KREMEN2: variants seen among roughly 807,000 people sequenced by gnomAD.
KREMEN2 encodes kringle containing transmembrane protein 2.
KREMEN2 carries 43 observed loss-of-function variants against 49.8 expected under a neutral mutation model. The observed-to-expected ratio is 0.86, with a 90% CI of 0.68 to 1.11. The LOEUF (loss-of-function observed/expected upper bound fraction) is 1.11. Among genes scored for constraint, KREMEN2 ranks in the 50% most tolerant of loss-of-function variants. The pLI is 0.00. For synonymous variants in KREMEN2, 355 were observed against 304.9 expected, an observed-to-expected ratio of 1.16 and a Z score of -1.71; for missense variants, 686 against 665.7, an observed-to-expected ratio of 1.03 and a Z score of -0.34.
Position 2,967,945 on chromosome 16 carries a change from G to A in KREMEN2, c.1314G>A (p.Glu438=), listed in dbSNP as rs778668696. Residue 438 remains glutamate, a synonymous_variant, in exon 9 of 9, where the codon GAG becomes GAA. Coordinates refer to ENST00000303746, the MANE Select transcript of KREMEN2 (RefSeq NM_172229.3). ...LPCSPGDPQA[E]GSAAGYRPLS... Reference sequence around the variant, plus strand: ...GCTCCCCCGGGGACCCCCAGGCTGAGGGTTCTGCCGCGGGCTACCGGCCTC... The same window carrying A: ...GCTCCCCCGGGGACCCCCAGGCTGAAGGTTCTGCCGCGGGCTACCGGCCTC... 7 of 1,585,670 alleles carry A rather than the reference G, an allele frequency of 4.4e-6. No homozygotes were observed. In the South Asian group the frequency reaches 5.7e-5, roughly 13 times the overall value.
chr16:2,966,614 C>A lies in KREMEN2; in HGVS notation c.487-28C>A, dbSNP rs1468012784. The A allele has an allele frequency of 1.2e-6, 2 of 1,603,836 alleles. No homozygotes were observed. The highest frequency in any genetic ancestry group is 4.5e-5 in the East Asian group (2 of 44,738). ...ACTTCACCCCTACCCCAGCCCCTGC[C>A]CTGGGGTCACCCAGTCTGTGCTCCC... is the stretch of plus-strand genomic sequence containing the variant. On this transcript the variant is annotated intron_variant, in intron 4 of 8. Transcript: ENST00000303746. This position sits in a 1 kb window ranked among gnomAD's most constrained non-coding sequence, Gnocchi z 8.4.
At position 2,967,214 on chromosome 16, in the gene KREMEN2, C is replaced by T; in HGVS notation, c.945C>T (p.His315=). 2.2e-6 allele frequency: 3 copies of T among 1,353,800 alleles called. No individual in the cohort carries two copies. Among genetic ancestry groups the T allele is most frequent in the Non-Finnish European group, 2.8e-6 (3 of 1,062,228 alleles). The allele number at this position is 1,353,800 out of a possible 1,614,324, so 83.9% of individuals were successfully genotyped here. ...CCTTCCGAAGCGACGCGCGCGGCCA[C>T]GCGCAAGGCTTCGCGCTCACCTACC... is the stretch of plus-strand genomic sequence containing the variant. ...LLTFRSDARG[H]AQGFALTYRG... The change falls in exon 6 of 9, where the codon CAC becomes CAT. Residue 315 remains histidine, a synonymous_variant. Transcript: ENST00000303746.
At position 2,966,584 on chromosome 16, in the gene KREMEN2, C is replaced by G; in HGVS notation, c.487-58C>G. ...CGATTCCCACCCCGACCCCAGGCCCCCACCACTTCACCCCTACCCCAGCCC... is the reference window on the plus strand; with the variant it reads ...CGATTCCCACCCCGACCCCAGGCCCGCACCACTTCACCCCTACCCCAGCCC... On this transcript the variant is annotated intron_variant, in intron 4 of 8. Coordinates refer to ENST00000303746, the MANE Select transcript of KREMEN2 (RefSeq NM_172229.3). This position sits in a 1 kb window ranked among gnomAD's most constrained non-coding sequence, Gnocchi z 8.4. 6.4e-7 allele frequency: 1 copy of G among 1,571,024 alleles called. No individual in the cohort carries two copies. Among genetic ancestry groups the G allele is most frequent in the Non-Finnish European group, 8.6e-7 (1 of 1,162,670 alleles).
chr16:2,966,842 G>A lies in KREMEN2; in HGVS notation c.640+47G>A, dbSNP rs533367617. Reference sequence around the variant, plus strand: ...GGGGCCTGGGCGGGCCTCGAGGTGGGGCCTGGCCGGGCAGGGGAGCCGCCG... The same window carrying A: ...GGGGCCTGGGCGGGCCTCGAGGTGGAGCCTGGCCGGGCAGGGGAGCCGCCG... On this transcript the variant is annotated intron_variant, in intron 5 of 8. Transcript: ENST00000303746. This position sits in a 1 kb window ranked among gnomAD's most constrained non-coding sequence, Gnocchi z 8.4. 9.1e-5 allele frequency: 144 copies of A among 1,587,250 alleles called. 1 individual carries two copies. In the African/African-American group the frequency reaches 1.8e-3, roughly 20 times the overall value.
chr16:2,965,083 G>A, intron 2 of KREMEN2, 50 bp downstream of exon 2: 5 of 1,406,262 alleles, frequency 3.6e-6, no homozygotes, highest in Non-Finnish European at 4.6e-6. Flanking sequence ...ACCATTGCAG[G>A]GATGGCCCGA....
intron 2 of KREMEN2, 64 bp downstream of exon 2, chr16:2,965,097 G>T: frequency 7.4e-7 from 1 of 1,346,480 alleles, no homozygotes; most frequent in South Asian, 1.6e-5. Context: ...GGCCCGAAGC[G>T]GGGCCTCCGT....
At position 2,966,699 on chromosome 16, in the gene KREMEN2, C is replaced by G. The variant is rs377224946; in HGVS notation, c.544C>G (p.Arg182Gly). The G allele has an allele frequency of 3.1e-6, 5 of 1,611,494 alleles. No individual in the cohort carries two copies. The highest frequency in any genetic ancestry group is 3.4e-6 in the Non-Finnish European group (4 of 1,179,888). The change falls in exon 5 of 9, where the codon CGG (arginine) becomes GGG (glycine). Residue 182 changes from arginine to glycine, a missense_variant. Arg to Gly is a moderately radical substitution (Grantham distance 125). Coordinates refer to ENST00000303746, the MANE Select transcript of KREMEN2 (RefSeq NM_172229.3). The surrounding 1 kb of genome is among the most constrained non-coding windows in gnomAD (Gnocchi z 8.4). ...CFCGSESDLA[R>G]GRLAPATDCD... ...CTGTGGCTCTGAAAGCGACCTGGCC[C>G]GGGGACGCCTGGCCCCCGCCACCGA...
Position 2,966,312 on chromosome 16 carries a change from T to A in KREMEN2, c.362-13T>A, listed in dbSNP as rs1392591742. 1 of 1,612,678 alleles carries A rather than the reference T, an allele frequency of 6.2e-7. No homozygotes were observed. Among genetic ancestry groups the A allele is most frequent in the African/African-American group, 1.3e-5 (1 of 75,006 alleles). ...GTTTTCGGAGTCACGGAAGTCTGAC[T>A]CTGCCCCCTCAGTGCCAGGCTACCT... On this transcript the variant is annotated splice_polypyrimidine_tract_variant and intron_variant, in intron 3 of 8. Transcript: ENST00000303746. The surrounding 1 kb of genome is among the most constrained non-coding windows in gnomAD (Gnocchi z 8.4).
At position 2,966,706 on chromosome 16, in the gene KREMEN2, G is replaced by A. The variant is rs1466431447; in HGVS notation, c.551G>A (p.Arg184His). 4 of 1,611,432 alleles carry A rather than the reference G, an allele frequency of 2.5e-6. No homozygotes were observed. The highest frequency in any genetic ancestry group is 1.1e-5 in the South Asian group (1 of 91,068). Residue 184 changes from arginine to histidine, a missense_variant, in exon 5 of 9, where the codon CGC (arginine) becomes CAC (histidine). Transcript: ENST00000303746. This position sits in a 1 kb window ranked among gnomAD's most constrained non-coding sequence, Gnocchi z 8.4. ...TCTGAAAGCGACCTGGCCCGGGGACGCCTGGCCCCCGCCACCGACTGTGAC... is the reference window on the plus strand; with the variant it reads ...TCTGAAAGCGACCTGGCCCGGGGACACCTGGCCCCCGCCACCGACTGTGAC... ...CGSESDLARG[R>H]LAPATDCDQI...
At position 2,966,046 on chromosome 16, in the gene KREMEN2, C is replaced by T. The variant is rs1351339059; in HGVS notation, c.270-94C>T. On this transcript the variant is annotated intron_variant, in intron 2 of 8. Transcript: ENST00000303746. The surrounding 1 kb of genome is among the most constrained non-coding windows in gnomAD (Gnocchi z 8.4). ...GCACAGCCGCTCACAGGCACAGAGC[C>T]TTGAAGGCCACTTTGAGCATAGGCT... is the stretch of plus-strand genomic sequence containing the variant. 1.8e-6 allele frequency: 2 copies of T among 1,137,736 alleles called. No homozygotes were observed. The highest frequency in any genetic ancestry group is 1.5e-5 in the African/African-American group (1 of 65,438). The allele number at this position is 1,137,736 out of a possible 1,614,324, so 70.5% of individuals were successfully genotyped here.
At position 2,967,580 on chromosome 16, in the gene KREMEN2, G is replaced by T; in HGVS notation, c.1154G>T (p.Gly385Val). ...TCGGTGCTGCTGCTGCTGCTCCTGG[G>T]GCTGCTGCGTCCGCTGCGCCGACGG... Reference protein sequence around the residue: ...AVSVLLLLLLGLLRPLRRRSC... With the variant: ...AVSVLLLLLLVLLRPLRRRSC... Residue 385 changes from glycine to valine, a missense_variant, in exon 8 of 9, where the codon GGG becomes GTG. Transcript: ENST00000303746. 8 of 1,529,198 alleles carry T rather than the reference G, an allele frequency of 5.2e-6. No homozygotes were observed. Among genetic ancestry groups the T allele is most frequent in the Non-Finnish European group, 6.1e-6 (7 of 1,143,982 alleles). 94.7% of individuals were successfully genotyped at this position (1,529,198 alleles called of 1,614,324 possible).
chr16:2,967,021 C>G lies in KREMEN2; in HGVS notation c.752C>G (p.Pro251Arg), dbSNP rs1007763913. The part of the protein sequence containing the change: ...PDRNCSWALG[P>R]PGAALELTFR... ...CGGAACTGCAGCTGGGCCCTGGGCCCGCCAGGCGCCGCGCTGGAGCTCACC... is the reference window on the plus strand; with the variant it reads ...CGGAACTGCAGCTGGGCCCTGGGCCGGCCAGGCGCCGCGCTGGAGCTCACC... The change falls in exon 6 of 9, where the codon CCG becomes CGG. Residue 251 changes from proline (P) to arginine (R), a missense_variant. Pro to Arg is a moderately radical substitution (Grantham distance 103). Coordinates refer to ENST00000303746, the MANE Select transcript of KREMEN2 (RefSeq NM_172229.3). The G allele has an allele frequency of 5.2e-6, 8 of 1,545,134 alleles. No individual in the cohort carries two copies. Among genetic ancestry groups the G allele is most frequent in the Non-Finnish European group, 6.1e-6 (7 of 1,145,780 alleles).
At position 2,966,557 on chromosome 16, in the gene KREMEN2, C is replaced by G; in HGVS notation, c.487-85C>G. 1 of 1,563,990 alleles carries G rather than the reference C, an allele frequency of 6.4e-7. No individual in the cohort carries two copies. On this transcript the variant is annotated intron_variant, in intron 4 of 8. Transcript: ENST00000303746. The surrounding 1 kb of genome is among the most constrained non-coding windows in gnomAD (Gnocchi z 8.4). ...CAGACACCGGTTTCTGAACCTCCAG[C>G]CCGATTCCCACCCCGACCCCAGGCC... is the stretch of plus-strand genomic sequence containing the variant.
In KREMEN2 at chr16:2,966,137, C is replaced by T; in HGVS notation, c.270-3C>T. 1.9e-6 allele frequency: 3 copies of T among 1,611,608 alleles called. No individual in the cohort carries two copies. Among genetic ancestry groups the T allele is most frequent in the Non-Finnish European group, 2.5e-6 (3 of 1,179,828 alleles). On this transcript the variant is annotated splice_polypyrimidine_tract_variant and splice_region_variant and intron_variant, in intron 2 of 8. Transcript: ENST00000303746. The surrounding 1 kb of genome is among the most constrained non-coding windows in gnomAD (Gnocchi z 8.4). ...AGCCCCACCACCTCCCTCCCACCCG[C>T]AGTAACCCAGACGGTGACGTGCAGC...
In KREMEN2 at chr16:2,968,212, T is replaced by C; in HGVS notation, c.*192T>C. ...CTTGGCCTGACCGTGGGGGTCCAGA[T>C]GGTCCAGGCCCTCTCCATGGACCTG... is the stretch of plus-strand genomic sequence containing the variant. On this transcript the variant is annotated 3_prime_UTR_variant, in exon 9 of 9. Transcript: ENST00000303746. 2 of 887,194 alleles carry C rather than the reference T, an allele frequency of 2.3e-6. No homozygotes were observed. The highest frequency in any genetic ancestry group is 3.1e-5 in the South Asian group (2 of 64,606). The allele number at this position is 887,194 out of a possible 1,614,324, so 55.0% of individuals were successfully genotyped here.
chr16:2,968,176 ATTATC>A lies in KREMEN2; in HGVS notation c.*158_*162del. On this transcript the variant is annotated 3_prime_UTR_variant, in exon 9 of 9. Transcript: ENST00000303746. ...AGTCGGACAGGAAACATCTGGTGCT[ATTATC>A]TGGGACTTGGCCTGACCGTGGGGGT... The A allele has an allele frequency of 1.1e-6, 1 of 935,486 alleles. No individual in the cohort carries two copies. The allele number at this position is 935,486 out of a possible 1,614,324, so 57.9% of individuals were successfully genotyped here.
In KREMEN2 at chr16:2,967,995, T is replaced by G; in HGVS notation, c.1364T>G (p.Leu455Arg). Reference protein sequence around the residue: ...RPLSASSQSSLRSLISAL With the variant: ...RPLSASSQSSRRSLISAL Reference sequence around the variant, plus strand: ...CTGAGTGCCTCCAGCCAGAGCTCCCTGCGCTCGCTCATCTCCGCTCTCTGA... The same window carrying G: ...CTGAGTGCCTCCAGCCAGAGCTCCCGGCGCTCGCTCATCTCCGCTCTCTGA... Residue 455 changes from leucine (L) to arginine (R), a missense_variant, in exon 9 of 9, where the codon CTG (leucine) becomes CGG (arginine). Physicochemically the swap from Leu to Arg is moderately radical, Grantham distance 102. Coordinates refer to ENST00000303746, the MANE Select transcript of KREMEN2 (RefSeq NM_172229.3). 1.3e-6 allele frequency: 2 copies of G among 1,572,972 alleles called. No homozygotes were observed. The highest frequency in any genetic ancestry group is 1.2e-5 in the South Asian group (1 of 86,866).
rs919390420 is a variant in KREMEN2 at position 2,967,438 on chromosome 16, G to C, written c.1092G>C (p.Ala364=). 1.6e-5 allele frequency: 22 copies of C among 1,408,236 alleles called. No individual in the cohort carries two copies. The highest frequency in any genetic ancestry group is 2.0e-5 in the Non-Finnish European group (22 of 1,092,506). 87.2% of individuals were successfully genotyped at this position (1,408,236 alleles called of 1,614,324 possible). Residue 364 remains alanine, a synonymous_variant, in exon 7 of 9, where the codon GCG becomes GCC. Transcript: ENST00000303746. ...CSPRPGAPPA[A]IGARVFSTVT... ...CCAGGCCTGGGGCTCCGCCGGCCGC[G>C]ATTGGGGGTGAGGCGGGCGCGCGGG...
At chr16:2,964,677 G>A (rs951940380) in intron 1 of KREMEN2, 63 bp downstream of exon 1, 15 of 1,465,442 alleles carry the variant, frequency 1.0e-5, no homozygotes, top group African/African-American at 2.9e-5. Context: ...CGCCCCCAGG[G>A]CCAGGCCCCC....
Sources: allele counts gnomAD v4.1 joint callset, GRCh38; gene constraint gnomAD v4.1.1; non-coding constraint Gnocchi (gnomAD v3.1); transcripts MANE v1.5; gene names NCBI Gene and HGNC (gene_info 2026-07-23, HGNC 2026-07-21).